Variants in TUBGCP4 observed in about 807,000 individuals in gnomAD.
TUBGCP4 encodes the protein gamma-tubulin complex component 4.
TUBGCP4 carries 54 observed loss-of-function variants against 91.6 expected under a neutral mutation model. The ratio of observed to expected loss-of-function variants is 0.59; its 90% CI spans 0.47 to 0.74. The LOEUF (loss-of-function observed/expected upper bound fraction) is 0.74. Ranked by LOEUF, TUBGCP4 falls within the 30% of genes least tolerant of loss-of-function variation. The pLI is 0.00. For missense variants in TUBGCP4, 593 were observed against 800.9 expected, an observed-to-expected ratio of 0.74 and a Z score of 3.13; for synonymous variants, 297 against 302.8, an observed-to-expected ratio of 0.98 and a Z score of 0.20.
chr15:43,385,829 G>T lies in TUBGCP4; in HGVS notation c.762G>T (p.Leu254=). ...AAGAGAACATGCTGGCACCATCTCT[G>T]AAGCAGTTTTCCCTACGAGTGGAGA... ...IEEENMLAPS[L]KQFSLRVEIL... is the part of the protein sequence containing the mutation. The change falls in exon 8 of 18, where the codon CTG becomes CTT. Residue 254 remains leucine (L), a synonymous_variant. Coordinates refer to ENST00000564079, the MANE Select transcript of TUBGCP4 (RefSeq NM_014444.5). 6.2e-7 allele frequency: 1 copy of T among 1,614,134 alleles called. No individual in the cohort carries two copies.
At chr15:43,393,616 T>G (rs1418119292) in intron 9 of TUBGCP4, among the ~76,000 whole-genome samples, 1 of 151,868 alleles carries the variant, frequency 6.6e-6, no homozygotes, top group Admixed American at 6.6e-5. Flanking sequence ...CCTACAACAG[T>G]CCCCGGTGTG....
At position 43,377,080 on chromosome 15, in the gene TUBGCP4, A is replaced by G; in HGVS notation, c.384+13A>G. ...CTTCCTAGACCAGGTATGCTGCCCAAATAACCAAATGCCTTGCAATCTGTT... is the reference window on the plus strand; with the variant it reads ...CTTCCTAGACCAGGTATGCTGCCCAGATAACCAAATGCCTTGCAATCTGTT... On this transcript the variant is annotated intron_variant, in intron 4 of 17. Coordinates refer to ENST00000564079, the MANE Select transcript of TUBGCP4 (RefSeq NM_014444.5). 1.2e-6 allele frequency: 2 copies of G among 1,603,224 alleles called. No individual in the cohort carries two copies. The highest frequency in any genetic ancestry group is 1.3e-5 in the African/African-American group (1 of 74,806).
In TUBGCP4 at chr15:43,381,515, T is replaced by A. The variant is rs188237904; in HGVS notation, c.521+1352T>A. Among the ~76,000 whole-genome samples the A allele has an allele frequency of 2.3e-3, 351 of 152,156 alleles. 1 individual carries two copies. Among genetic ancestry groups the A allele is most frequent in the Middle Eastern group, 6.8e-3 (2 of 294 alleles). ...ACTTTGGAAGGCTGAGGCAGAGGGA[T>A]CGCTTGAGCCCAGGAGTTCGAGACC... On this transcript the variant is annotated intron_variant, in intron 6 of 17. Transcript: ENST00000564079.
At chr15:43,385,460 T>C (rs75783717) in intron 7 of TUBGCP4, 1 of 461,108 alleles carries the variant, frequency 2.2e-6, no homozygotes, top group African/African-American at 2.0e-5. Flanking sequence ...AGAGAAGACA[T>C]AGAGAGAAGA....
At chr15:43,379,645 A>AC (rs1327663071) in intron 5 of TUBGCP4, among the ~76,000 whole-genome samples, 6 of 151,528 alleles carry the variant, frequency 4.0e-5, no homozygotes, top group African/African-American at 1.5e-4. Context: ...CGTCTCAAAA[A>AC]AAAAAAAAAA....
At chr15:43,404,674 A>C in intron 17 of TUBGCP4, 122 bp downstream of exon 17, 1 of 1,048,112 alleles carries the variant, frequency 9.5e-7, no homozygotes, top group East Asian at 2.5e-5. Flanking sequence ...TAAGGCTTAG[A>C]GATAGAGGTG....
Position 43,400,139 on chromosome 15 carries a change from A to G in TUBGCP4, c.1514A>G (p.Lys505Arg), listed in dbSNP as rs1280284450. The G allele has an allele frequency of 1.2e-6, 2 of 1,614,114 alleles. No homozygotes were observed. The highest frequency in any genetic ancestry group is 1.7e-6 in the Non-Finnish European group (2 of 1,180,054). The change falls in exon 14 of 18, where the codon AAG becomes AGG. Residue 505 changes from lysine to arginine, a missense_variant. Coordinates refer to ENST00000564079, the MANE Select transcript of TUBGCP4 (RefSeq NM_014444.5). ...WALQMQRKHL[K>R]SNQTDAIKWR... Reference sequence around the variant, plus strand: ...CTACAAATGCAGCGCAAGCACCTCAAGTCGAACCAGACTGATGCAATCAAG... The same window carrying G: ...CTACAAATGCAGCGCAAGCACCTCAGGTCGAACCAGACTGATGCAATCAAG...
intron 5 of TUBGCP4, among the ~76,000 whole-genome samples, chr15:43,379,552 A>G (rs1463061751): frequency 6.6e-6 from 1 of 151,760 alleles, no homozygotes; most frequent in Non-Finnish European, 1.5e-5. Context: ...GAGGCAGGAG[A>G]ATGGTGTGAA....
intron 2 of TUBGCP4, 48 bp from the exon 3 acceptor site, chr15:43,376,455 G>A (rs558998839): frequency 6.2e-7 from 1 of 1,614,060 alleles, no homozygotes. Context: ...TCTTTCTCAG[G>A]TTTCAGGGCC....
At chr15:43,402,522 A>AGTCATTTGAAAGTTCTT (rs1456592303) in intron 15 of TUBGCP4, 8 of 152,434 alleles carry the variant, frequency 5.2e-5, no homozygotes, top group Admixed American at 5.2e-4. Flanking sequence ...AGGATGGATC[A>AGTCATTTGAAAGTTCTT]GTCATTTGAA....
chr15:43,407,673 C>G lies in TUBGCP4; in HGVS notation c.*2459C>G. ...ACCAATACATCCCACTCTGCACAAA[C>G]CAAAGCCCTATTATGTCAAACACAC... On this transcript the variant is annotated 3_prime_UTR_variant, in exon 18 of 18. Transcript: ENST00000564079. The G allele has an allele frequency of 8.7e-7, 1 of 1,151,994 alleles. No homozygotes were observed. The highest frequency in any genetic ancestry group is 2.2e-4 in the Middle Eastern group (1 of 4,628). 71.4% of individuals were successfully genotyped at this position (1,151,994 alleles called of 1,614,324 possible). A position where few individuals can be genotyped will look rare whatever the true frequency, so the allele number is the denominator to read the frequency against.
chr15:43,405,067 T>C lies in TUBGCP4; in HGVS notation c.1989-135T>C, dbSNP rs2142906017. 9.2e-6 allele frequency: 9 copies of C among 975,336 alleles called. No homozygotes were observed. In the South Asian group the frequency reaches 1.2e-4, roughly 13 times the overall value. The allele number at this position is 975,336 out of a possible 1,614,324, so 60.4% of individuals were successfully genotyped here. On this transcript the variant is annotated intron_variant, in intron 17 of 17. Coordinates refer to ENST00000564079, the MANE Select transcript of TUBGCP4 (RefSeq NM_014444.5). The stretch of plus-strand genomic sequence containing the variant: ...AAGCAGATTTTTTTCTAAGCTATTG[T>C]AGCAGAAGAGTCAAAAGAAACTCTT...
Position 43,408,517 on chromosome 15 carries a change from T to C in TUBGCP4, c.*3303T>C, listed in dbSNP as rs933761137. On this transcript the variant is annotated 3_prime_UTR_variant, in exon 18 of 18. Transcript: ENST00000564079. ...CCCTATATTAGGGTCCCCCTTCTCTTCCTTCTTTCTATGAATGATCTGTAT... is the reference window on the plus strand; with the variant it reads ...CCCTATATTAGGGTCCCCCTTCTCTCCCTTCTTTCTATGAATGATCTGTAT... 5 of 270,136 alleles carry C rather than the reference T, an allele frequency of 1.9e-5. No homozygotes were observed. Among genetic ancestry groups the C allele is most frequent in the Non-Finnish European group, 3.6e-5 (5 of 140,134 alleles). The allele number at this position is 270,136 out of a possible 1,614,324, so 16.7% of individuals were successfully genotyped here.
chr15:43,398,127 T>C lies in TUBGCP4; in HGVS notation c.1366T>C (p.Tyr456His). 1 of 1,614,122 alleles carries C rather than the reference T, an allele frequency of 6.2e-7. No individual in the cohort carries two copies. The highest frequency in any genetic ancestry group is 1.7e-4 in the Middle Eastern group (1 of 6,060). The change falls in exon 13 of 18, where the codon TAC (tyrosine) becomes CAC (histidine). Residue 456 changes from tyrosine to histidine, a missense_variant. Coordinates refer to ENST00000564079, the MANE Select transcript of TUBGCP4 (RefSeq NM_014444.5). ...TGGCTGGGCAGCCCTAGGTCTTTCC[T>C]ACAAAGTACAGTGGCCACTACATAT... Reference protein sequence around the residue: ...ASGWAALGLSYKVQWPLHILF... With the variant: ...ASGWAALGLSHKVQWPLHILF...
chr15:43,406,040 CAAAAAAAAAAAAAAA>C lies in TUBGCP4; in HGVS notation c.*837_*851del, dbSNP rs67793488. On this transcript the variant is annotated 3_prime_UTR_variant, in exon 18 of 18. Transcript: ENST00000564079. Reference sequence around the variant, plus strand: ...GGGCAACAAGAGCGAAATTCCGTCTCAAAAAAAAAAAAAAAAAAAAAAAAAGTATTATTCTCCAAG... The same window carrying C: ...GGGCAACAAGAGCGAAATTCCGTCTCAAAAAAAAAAGTATTATTCTCCAAG... 1.6e-5 allele frequency: 1 copy of C among 63,990 alleles called. No homozygotes were observed. 4.0% of individuals were successfully genotyped at this position (63,990 alleles called of 1,614,324 possible).
chr15:43,379,679 G>C (rs890416354), intron 5 of TUBGCP4, among the ~76,000 whole-genome samples: 12 of 151,560 alleles, frequency 7.9e-5, no homozygotes, highest in Admixed American at 4.6e-4. Flanking sequence ...AGAACATAGA[G>C]GCAGAGGATT....
Position 43,380,180 on chromosome 15 carries a change from CTG to C in TUBGCP4, c.521+18_521+19del, listed in dbSNP as rs1207114030. The C allele has an allele frequency of 1.2e-6, 2 of 1,609,352 alleles. No individual in the cohort carries two copies. Among genetic ancestry groups the C allele is most frequent in the African/African-American group, 2.7e-5 (2 of 74,826 alleles). ...ACTGGAAAAGTAAGTCATGGCTTAACTGGGAATTGGTGGTGGAGGTGGGTGGT... is the reference window on the plus strand; with the variant it reads ...ACTGGAAAAGTAAGTCATGGCTTAACGGAATTGGTGGTGGAGGTGGGTGGT... On this transcript the variant is annotated intron_variant, in intron 6 of 17. Transcript: ENST00000564079.
intron 15 of TUBGCP4, chr15:43,402,132 T>A: frequency 3.8e-6 from 1 of 262,164 alleles, no homozygotes. Context: ...AAAAAAAAAA[T>A]AATAGGTGTG....
chr15:43,385,930 A>G lies in TUBGCP4; in HGVS notation c.863A>G (p.Asn288Ser). 1 of 1,614,086 alleles carries G rather than the reference A, an allele frequency of 6.2e-7. No homozygotes were observed. The highest frequency in any genetic ancestry group is 8.5e-7 in the Non-Finnish European group (1 of 1,179,996). ...GGAGAATCTGTCCAGATGTTTGAGAATCAAAATGTGAACCTGACTAGAAAA... is the reference window on the plus strand; with the variant it reads ...GGAGAATCTGTCCAGATGTTTGAGAGTCAAAATGTGAACCTGACTAGAAAA... ...FVGESVQMFE[N>S]QNVNLTRKGS... is the part of the protein sequence containing the mutation. The change falls in exon 8 of 18, where the codon AAT (asparagine) becomes AGT (serine). Residue 288 changes from asparagine to serine, a missense_variant. Transcript: ENST00000564079.
Sources: gnomAD v4.1 joint callset for allele counts (sites outside exome capture counted in the v4.1 genomes callset) on GRCh38, gnomAD v4.1.1 for gene constraint, MANE v1.5 for transcripts, NCBI Gene and HGNC (gene_info 2026-07-23, HGNC 2026-07-21) for gene names.